MCM5: variants seen among roughly 807,000 people sequenced by gnomAD.
The protein encoded by MCM5 is DNA replication licensing factor MCM5.
Under a neutral mutation model 79.9 loss-of-function variants are expected in MCM5, and 46 were observed. The observed-to-expected ratio is 0.58, with a 90% CI of 0.45 to 0.74. The LOEUF is 0.74. Among genes scored for constraint, MCM5 ranks in the 30% least tolerant of loss-of-function variants. The pLI, the probability that MCM5 is intolerant of heterozygous loss-of-function variation, is 0.00. For missense variants in MCM5, 883 were observed against 1,017.0 expected, an observed-to-expected ratio of 0.87 and a Z score of 1.79; for synonymous variants, 404 against 390.5, an observed-to-expected ratio of 1.03 and a Z score of -0.41.
rs1932760476 is a variant in MCM5, at chr22:35,424,613, T to C, written c.*358T>C. 5.3e-6 allele frequency: 1 copy of C among 188,994 alleles called. No individual in the cohort carries two copies. Among genetic ancestry groups the C allele is most frequent in the African/African-American group, 2.3e-5 (1 of 42,912 alleles). The allele number at this position is 188,994 out of a possible 1,614,324, so 11.7% of individuals were successfully genotyped here. On this transcript the variant is annotated 3_prime_UTR_variant, in exon 17 of 17. Coordinates refer to ENST00000216122, the MANE Select transcript of MCM5 (RefSeq NM_006739.4). ...GACTGGCCAGGGTTTCTGACTTGGA[T>C]CTGCCACTCAGACTTCTGGGTAAGT...
chr22:35,442,614 C>T, the MCM5 span, among the ~76,000 whole-genome samples: 2 of 152,206 alleles, frequency 1.3e-5, no homozygotes, highest in Non-Finnish European at 1.5e-5. Flanking sequence ...AAAGCCAGCA[C>T]CCTCCGATTC....
chr22:35,441,565 T>A, the MCM5 span, among the ~76,000 whole-genome samples: 1 of 152,106 alleles, frequency 6.6e-6, no homozygotes, highest in Non-Finnish European at 1.5e-5. Flanking sequence ...AAGTCACATA[T>A]TGGGAAGTGG....
intron 6 of MCM5, chr22:35,409,872 G>A (rs1427006572): frequency 6.6e-6 from 1 of 152,272 alleles, no homozygotes; most frequent in Non-Finnish European, 1.5e-5. Flanking sequence ...TAATCTCTCA[G>A]AGGGCTGCTT....
chr22:35,402,597 A>G (rs561073486), intron 2 of MCM5, among the ~76,000 whole-genome samples: 1 of 150,884 alleles, frequency 6.6e-6, no homozygotes, highest in African/African-American at 2.4e-5. Context: ...TCTGTCGCCC[A>G]GGCTGGAGTG....
chr22:35,453,281 G>GTTTTA, the MCM5 span, among the ~76,000 whole-genome samples: 210 of 152,348 alleles, frequency 1.4e-3, no homozygotes, highest in African/African-American at 4.5e-3. Context: ...TCACAAGTCT[G>GTTTTA]TGTTTCCAGA....
At chr22:35,447,438 T>G in the MCM5 span, among the ~76,000 whole-genome samples, 151 of 144,044 alleles carry the variant, frequency 1.0e-3, no homozygotes, top group African/African-American at 3.7e-3. Context: ...ATGGACTTTT[T>G]GTTGTTGTTA....
intron 2 of MCM5, among the ~76,000 whole-genome samples, 169 bp downstream of exon 2, chr22:35,400,774 C>T (rs1461477144): frequency 6.6e-6 from 1 of 151,952 alleles, no homozygotes; most frequent in Non-Finnish European, 1.5e-5. Context: ...TGGTATAAGG[C>T]TTTGTGTATT....
rs1050089592 is a variant in MCM5 at position 35,424,668 on chromosome 22, T to C, written c.*413T>C. On this transcript the variant is annotated 3_prime_UTR_variant, in exon 17 of 17. Transcript: ENST00000216122. ...TGACTTGAGTGCTCCGGTTTCTTCATCTGTTTAGCGGGGCTCATAAAGCCA... is the reference window on the plus strand; with the variant it reads ...TGACTTGAGTGCTCCGGTTTCTTCACCTGTTTAGCGGGGCTCATAAAGCCA... The C allele has an allele frequency of 6.3e-6, 1 of 159,034 alleles. No homozygotes were observed. The highest frequency in any genetic ancestry group is 1.4e-5 in the Non-Finnish European group (1 of 72,692). 9.9% of individuals were successfully genotyped at this position (159,034 alleles called of 1,614,324 possible). A position where few individuals can be genotyped will look rare whatever the true frequency, so the allele number is the denominator to read the frequency against.
intron 15 of MCM5, chr22:35,421,846 G>T: frequency 3.1e-6 from 1 of 324,506 alleles, no homozygotes. Context: ...TGAGCAGTCA[G>T]TCCTGCCCAT....
rs766816439 is a variant in MCM5 at position 35,403,271 on chromosome 22, G to C, written c.232G>C (p.Ala78Pro). 2.5e-6 allele frequency: 4 copies of C among 1,614,026 alleles called. No homozygotes were observed. The highest frequency in any genetic ancestry group is 4.5e-5 in the East Asian group (2 of 44,880). Residue 78 changes from alanine to proline, a missense_variant, in exon 3 of 17, where the codon GCC becomes CCC. By Grantham distance (27) the Ala-to-Pro change is conservative (BLOSUM62 -1). Transcript: ENST00000216122. ...GATTGAGGTGGAGATGGAGGATCTG[G>C]CCAGCTTTGATGAGGACCTGGCCGA... ...YWIEVEMEDL[A>P]SFDEDLADYL... is the part of the protein sequence containing the mutation.
chr22:35,404,574 T>TA (rs1377378707), intron 4 of MCM5, among the ~76,000 whole-genome samples: 1 of 152,148 alleles, frequency 6.6e-6, no homozygotes, highest in Non-Finnish European at 1.5e-5. Context: ...TTATGGGTGG[T>TA]ATTGGATCCC....
At chr22:35,414,628 TAATA>T (rs1253430433) in intron 9 of MCM5, among the ~76,000 whole-genome samples, 1 of 150,882 alleles carries the variant, frequency 6.6e-6, no homozygotes, top group Non-Finnish European at 1.5e-5. Context: ...CAAATAATAA[TAATA>T]AATAATAATA....
chr22:35,412,659 C>A lies in MCM5; in HGVS notation c.1069C>A (p.Leu357Ile). The change falls in exon 8 of 17, where the codon CTC (leucine) becomes ATC (isoleucine). Residue 357 changes from leucine (L) to isoleucine (I), a missense_variant. Leu to Ile is a conservative substitution (Grantham distance 5, BLOSUM62 2). Around this residue, in one of 3 missense-constraint regions of MCM5, gnomAD observed 455 missense variants for 517.5 expected, o/e 0.88. Transcript: ENST00000216122. The part of the protein sequence containing the change: ...TDMKKAIACL[L>I]FGGSRKRLPD... ...CATGAAGAAGGCCATTGCCTGCCTG[C>A]TCTTTGGGGGCTCCCGAAAGAGGTA... 1 of 1,515,494 alleles carries A rather than the reference C, an allele frequency of 6.6e-7. No individual in the cohort carries two copies. The highest frequency in any genetic ancestry group is 8.9e-7 in the Non-Finnish European group (1 of 1,124,894). 93.9% of individuals were successfully genotyped at this position (1,515,494 alleles called of 1,614,324 possible). A position where few individuals can be genotyped will look rare whatever the true frequency, so the allele number is the denominator to read the frequency against.
the MCM5 span, among the ~76,000 whole-genome samples, chr22:35,452,815 G>A: frequency 3.3e-5 from 5 of 152,188 alleles, no homozygotes; most frequent in Admixed American, 6.5e-5. Flanking sequence ...AGCACTCTAC[G>A]TGCTGTAGAG....
chr22:35,453,711 GCAGA>G, the MCM5 span, among the ~76,000 whole-genome samples: 1 of 148,108 alleles, frequency 6.8e-6, no homozygotes, highest in East Asian at 2.0e-4. Context: ...GAGACAAAAG[GCAGA>G]CAGGGAAGGA....
chr22:35,423,598 C>T (rs1932747585), intron 16 of MCM5: 1 of 333,596 alleles, frequency 3.0e-6, no homozygotes, highest in Non-Finnish European at 5.4e-6. Flanking sequence ...CTGGTGAAAC[C>T]CCATACAAGT....
chr22:35,400,410 G>A (rs199570772), intron 1 of MCM5, 21 bp from the exon 2 acceptor site: 7 of 1,613,838 alleles, frequency 4.3e-6, no homozygotes, highest in Non-Finnish European at 5.9e-6. Context: ...AGCCTGTTCT[G>A]GCCGTTTGTT....
At chr22:35,449,558 C>T in the MCM5 span, among the ~76,000 whole-genome samples, 3 of 150,640 alleles carry the variant, frequency 2.0e-5, no homozygotes, top group African/African-American at 2.5e-5. Flanking sequence ...ACCGTGGCCT[C>T]TTTGTCCCAG....
At chr22:35,416,093 G>A in intron 10 of MCM5, 121 bp downstream of exon 10, 1 of 1,272,812 alleles carries the variant, frequency 7.9e-7, no homozygotes. Flanking sequence ...CCCTGGGCCG[G>A]TCACTCTAGT....
Sources: gnomAD v4.1 joint callset for allele counts (sites outside exome capture counted in the v4.1 genomes callset) on GRCh38, gnomAD v4.1.1 for gene constraint, gnomAD v4.1.1 regional missense constraint, MANE v1.5 for transcripts, NCBI Gene and HGNC (gene_info 2026-07-23, HGNC 2026-07-21) for gene names.